The following SAMD4A variants were observed in gnomAD, a reference collection of about 807,000 sequenced individuals.
SAMD4A encodes the protein sterile alpha motif domain containing 4A.
In SAMD4A, 33 loss-of-function variants were observed where a neutral mutation model predicts 81.3. That is an observed-to-expected ratio of 0.41 (90% CI 0.31 to 0.54). SAMD4A has a LOEUF of 0.54. SAMD4A is among the 20% of genes least tolerant of loss of function. The probability of loss-of-function intolerance (pLI) is 0.37; values close to 1 mark genes in which losing one functional copy is unlikely to be tolerated. For missense variants in SAMD4A, 854 were observed against 951.1 expected, an observed-to-expected ratio of 0.90 and a Z score of 1.34; for synonymous variants, 389 against 382.1, an observed-to-expected ratio of 1.02 and a Z score of -0.21.
chr14:54,695,077 A>G (rs1594823019), intron 2 of SAMD4A, among the ~76,000 whole-genome samples: 1 of 152,338 alleles, frequency 6.6e-6, no homozygotes, highest in Middle Eastern at 3.4e-3. Context: ...ACAGTCCACT[A>G]CATAGATGCC....
At chr14:54,783,685 C>A (rs2039061281) in intron 11 of SAMD4A, among the ~76,000 whole-genome samples, 1 of 152,200 alleles carries the variant, frequency 6.6e-6, no homozygotes, top group African/African-American at 2.4e-5. Context: ...GGTCTTGTCC[C>A]AGCTTTGTGT....
chr14:54,664,724 A>G (rs1367443033), intron 2 of SAMD4A, among the ~76,000 whole-genome samples: 1 of 151,926 alleles, frequency 6.6e-6, no homozygotes, highest in African/African-American at 2.4e-5. Context: ...GAGTTGACCA[A>G]CAGAGTATAT....
At chr14:54,712,467 AC>A (rs1337539654) in intron 3 of SAMD4A, among the ~76,000 whole-genome samples, 13 of 152,082 alleles carry the variant, frequency 8.5e-5, no homozygotes, top group African/African-American at 2.9e-4. Context: ...TTTGGGGGAA[AC>A]TTTTTTTAGT....
chr14:54,667,991 C>G (rs1457432614), intron 2 of SAMD4A, among the ~76,000 whole-genome samples: 1 of 152,204 alleles, frequency 6.6e-6, no homozygotes, highest in Non-Finnish European at 1.5e-5. Context: ...CAGCTGTTCT[C>G]TCCACCCCGG....
chr14:54,673,283 C>G (rs1345369152), intron 2 of SAMD4A, among the ~76,000 whole-genome samples: 1 of 152,224 alleles, frequency 6.6e-6, no homozygotes, highest in African/African-American at 2.4e-5. Context: ...TTGGCTCTTT[C>G]ACGCTCAGGC....
At chr14:54,684,605 C>T in intron 2 of SAMD4A, among the ~76,000 whole-genome samples, 1 of 65,106 alleles carries the variant, frequency 1.5e-5, no homozygotes, top group Admixed American at 1.4e-4. Context: ...ATTGGCCAGA[C>T]ACCCCCGCCC....
intron 3 of SAMD4A, chr14:54,735,243 A>G (rs939738440): frequency 1.5e-5 from 2 of 136,982 alleles, no homozygotes; most frequent in Non-Finnish European, 3.1e-5. Flanking sequence ...CTTTCCCCCC[A>G]CTTTTCCTCT....
At chr14:54,786,116 C>CA (rs1163387087) in intron 12 of SAMD4A, among the ~76,000 whole-genome samples, 3 of 152,048 alleles carry the variant, frequency 2.0e-5, no homozygotes, top group Admixed American at 6.5e-5. Flanking sequence ...GAACATGGCT[C>CA]AAAAAAATGT....
At chr14:54,602,199 C>G (rs1404232702) in intron 2 of SAMD4A, among the ~76,000 whole-genome samples, 1 of 152,114 alleles carries the variant, frequency 6.6e-6, no homozygotes, top group Non-Finnish European at 1.5e-5. Context: ...CTTTCCAAGT[C>G]TGGATTATTT....
chr14:54,752,593 T>A (rs570358037), intron 6 of SAMD4A, among the ~76,000 whole-genome samples: 36 of 152,272 alleles, frequency 2.4e-4, no homozygotes, highest in African/African-American at 7.2e-4. Flanking sequence ...TGTGTGTGTA[T>A]AATTTCGTAT....
Position 54,696,210 on chromosome 14 carries a change from C to G in SAMD4A, c.197-5852C>G, listed in dbSNP as rs544153786. ...GCAGGTGCCAACACAAGAATCCCAC[C>G]ATTTGCCATGTTGGTATTTTTGCCC... On this transcript the variant is annotated intron_variant, in intron 2 of 12. Coordinates refer to ENST00000554335, the MANE Select transcript of SAMD4A (RefSeq NM_015589.6). Among the ~76,000 whole-genome samples the G allele has an allele frequency of 1.4e-4, 21 of 152,258 alleles. 1 individual carries two copies. The highest frequency in any genetic ancestry group is 5.1e-4 in the African/African-American group (21 of 41,554).
At chr14:54,773,193 G>T (rs769066363) in intron 9 of SAMD4A, among the ~76,000 whole-genome samples, 1 of 152,054 alleles carries the variant, frequency 6.6e-6, no homozygotes, top group Non-Finnish European at 1.5e-5. Flanking sequence ...TAAGAATTCT[G>T]GGGAGAAGAG....
Position 54,789,175 on chromosome 14 carries a change from T to C in SAMD4A, c.*231T>C. On this transcript the variant is annotated 3_prime_UTR_variant, in exon 13 of 13. Coordinates refer to ENST00000554335, the MANE Select transcript of SAMD4A (RefSeq NM_015589.6). ...TTCTGTCATGGGATGGTTTGGTGTG[T>C]GGGGTGGGGAGGGGTCTCTAGGGAA... 7.2e-6 allele frequency: 2 copies of C among 278,550 alleles called. No individual in the cohort carries two copies. Among genetic ancestry groups the C allele is most frequent in the Non-Finnish European group, 6.6e-6 (1 of 150,540 alleles). The allele number at this position is 278,550 out of a possible 1,614,324, so 17.3% of individuals were successfully genotyped here.
chr14:54,785,539 T>C (rs1183375908), intron 12 of SAMD4A, among the ~76,000 whole-genome samples: 2 of 152,170 alleles, frequency 1.3e-5, no homozygotes, highest in Non-Finnish European at 2.9e-5. Context: ...ACACTTGCTC[T>C]TAGCCAAAAG....
rs768610842 is a variant in SAMD4A, at chr14:54,774,887, G to A, written c.1716-47G>A. On this transcript the variant is annotated intron_variant, in intron 9 of 12. Coordinates refer to ENST00000554335, the MANE Select transcript of SAMD4A (RefSeq NM_015589.6). ...TTGGGAAGCCTGTGGCTTAAAAAGGGCTGAATAACGACTGATATTCTCTTC... is the reference window on the plus strand; with the variant it reads ...TTGGGAAGCCTGTGGCTTAAAAAGGACTGAATAACGACTGATATTCTCTTC... 1.4e-5 allele frequency: 22 copies of A among 1,597,544 alleles called. No individual in the cohort carries two copies. The South Asian group carries it at 2.2e-4, about 16-fold the overall frequency.
intron 4 of SAMD4A, 74 bp downstream of exon 4, chr14:54,737,361 A>G: frequency 6.4e-7 from 1 of 1,565,190 alleles, no homozygotes; most frequent in Non-Finnish European, 8.7e-7. Context: ...AAAAAAAGAG[A>G]GGTAGTCAGC....
chr14:54,731,090 G>A (rs956641696), intron 3 of SAMD4A, among the ~76,000 whole-genome samples: 3 of 152,166 alleles, frequency 2.0e-5, no homozygotes, highest in African/African-American at 7.2e-5. Flanking sequence ...AAATTTGTGG[G>A]ATAGAAACTG....
At chr14:54,641,891 G>A (rs1002537828) in intron 2 of SAMD4A, among the ~76,000 whole-genome samples, 16 of 151,152 alleles carry the variant, frequency 1.1e-4, no homozygotes, top group African/African-American at 3.9e-4. Flanking sequence ...TCCTCCTCCT[G>A]GGTTCAAGCA....
At chr14:54,622,682 C>G (rs946472902) in intron 2 of SAMD4A, among the ~76,000 whole-genome samples, 6 of 152,238 alleles carry the variant, frequency 3.9e-5, no homozygotes, top group Non-Finnish European at 8.8e-5. Context: ...CCTAGGAATC[C>G]TCCTGGAGCT....
Sources: allele counts gnomAD v4.1 joint callset (sites outside exome capture counted in the v4.1 genomes callset), GRCh38; gene constraint gnomAD v4.1.1; transcripts MANE v1.5; gene names NCBI Gene and HGNC (gene_info 2026-07-23, HGNC 2026-07-21).